The following UMAD1 variants were observed in gnomAD, a reference collection of about 807,000 sequenced individuals.
The protein encoded by UMAD1 is UBAP1-MVB12-associated (UMA)-domain containing protein 1.
A neutral mutation model predicts 6.1 loss-of-function variants in UMAD1; 8 were observed. The ratio of observed to expected loss-of-function variants is 1.30; its 90% CI spans 0.76 to 2.35. The LOEUF is 2.35. Among genes scored for constraint, UMAD1 ranks in the 30% most tolerant of loss-of-function variants. The probability of loss-of-function intolerance (pLI) is 0.00; values close to 1 mark genes in which losing one functional copy is unlikely to be tolerated. For synonymous variants in UMAD1, 56 were observed against 31.4 expected (o/e 1.78, Z -2.61); for missense variants, 130 against 78.4 (o/e 1.66, Z -2.49).
At chr7:7,682,335 C>G (rs1330825242) in intron 2 of UMAD1, among the ~76,000 whole-genome samples, 1 of 152,122 alleles carries the variant, frequency 6.6e-6, no homozygotes, top group East Asian at 1.9e-4. Flanking sequence ...AATGATCAGT[C>G]AGATATTGAA....
intron 3 of UMAD1, among the ~76,000 whole-genome samples, chr7:7,807,445 G>C (rs1782939950): frequency 6.6e-6 from 1 of 152,062 alleles, no homozygotes; most frequent in Non-Finnish European, 1.5e-5. Context: ...AATGAATGTA[G>C]CGTGGCCTAT....
intron 3 of UMAD1, among the ~76,000 whole-genome samples, chr7:7,821,537 A>C (rs1210536524): frequency 6.6e-6 from 1 of 152,208 alleles, no homozygotes; most frequent in East Asian, 1.9e-4. Flanking sequence ...TATGTACAGT[A>C]AATATCAGAT....
intron 3 of UMAD1, among the ~76,000 whole-genome samples, chr7:7,855,155 T>C (rs1340138823): frequency 6.6e-6 from 1 of 152,250 alleles, no homozygotes; most frequent in Admixed American, 6.5e-5. Flanking sequence ...ATTGAGTGTC[T>C]GCAGCTTTTC....
chr7:7,844,829 C>A (rs1480150807), intron 3 of UMAD1, among the ~76,000 whole-genome samples: 1 of 151,990 alleles, frequency 6.6e-6, no homozygotes, highest in Admixed American at 6.6e-5. Flanking sequence ...ATTAGGGACC[C>A]CTTAATTTAC....
chr7:7,645,553 T>C (rs1785074077), intron 1 of UMAD1, among the ~76,000 whole-genome samples: 1 of 152,268 alleles, frequency 6.6e-6, no homozygotes, highest in Non-Finnish European at 1.5e-5. Flanking sequence ...CAGCTTCCTT[T>C]AAGGAGTATT....
At chr7:7,649,361 C>A (rs1239902998) in intron 1 of UMAD1, among the ~76,000 whole-genome samples, 2 of 151,900 alleles carry the variant, frequency 1.3e-5, no homozygotes, top group Non-Finnish European at 2.9e-5. Context: ...GAAACTACTC[C>A]CCCAATAACT....
intron 3 of UMAD1, among the ~76,000 whole-genome samples, chr7:7,839,209 G>A (rs1438097480): frequency 1.3e-5 from 2 of 152,040 alleles, no homozygotes; most frequent in African/African-American, 2.4e-5. Flanking sequence ...GCAAGGGTGG[G>A]CACTTTTTTT....
intron 1 of UMAD1, among the ~76,000 whole-genome samples, chr7:7,648,125 G>T (rs1471373782): frequency 1.3e-5 from 2 of 152,212 alleles, no homozygotes; most frequent in African/African-American, 4.8e-5. Context: ...ATACCAGCCA[G>T]TGGGCTCCAG....
At chr7:7,785,509 T>G (rs530152486) in intron 2 of UMAD1, among the ~76,000 whole-genome samples, 6 of 152,262 alleles carry the variant, frequency 3.9e-5, no homozygotes, top group Admixed American at 2.0e-4. Flanking sequence ...ACCTTTATCC[T>G]AAGCACAATA....
intron 1 of UMAD1, among the ~76,000 whole-genome samples, chr7:7,645,507 T>C (rs866753555): frequency 1.6e-4 from 24 of 152,190 alleles, no homozygotes; most frequent in South Asian, 2.1e-4. Context: ...ATCAAGTAAA[T>C]CCACGTTCTA....
intron 2 of UMAD1, among the ~76,000 whole-genome samples, chr7:7,737,264 GT>G (rs1282182439): frequency 6.6e-6 from 1 of 152,214 alleles, no homozygotes; most frequent in Non-Finnish European, 1.5e-5. Flanking sequence ...CTGGGCTTCA[GT>G]TTTCTCAGCC....
intron 3 of UMAD1, among the ~76,000 whole-genome samples, chr7:7,854,979 C>A (rs550964684): frequency 1.3e-5 from 2 of 152,302 alleles, no homozygotes; most frequent in Admixed American, 6.5e-5. Context: ...AGTTTGAAAT[C>A]CAGTAAGGCA....
intron 2 of UMAD1, among the ~76,000 whole-genome samples, chr7:7,784,800 C>T (rs544353657): frequency 1.6e-5 from 2 of 123,596 alleles, no homozygotes; most frequent in Admixed American, 1.0e-4. Context: ...CTTGCTGTGT[C>T]GCCCAGGCTG....
chr7:7,640,838 G>C lies in UMAD1; in HGVS notation c.-64+17G>C, dbSNP rs1265763773. ...CAGCCTCAGGTACCTCGTCTCGCGG[G>C]AGGCGCCGCAACCTTACTGTTTCCC... On this transcript the variant is annotated intron_variant, in intron 1 of 3. Transcript: ENST00000682710. 3 of 198,798 alleles carry C rather than the reference G, an allele frequency of 1.5e-5. No homozygotes were observed. Among genetic ancestry groups the C allele is most frequent in the African/African-American group, 7.1e-5 (3 of 42,352 alleles). 12.3% of individuals were successfully genotyped at this position (198,798 alleles called of 1,614,324 possible).
intron 1 of UMAD1, among the ~76,000 whole-genome samples, chr7:7,645,202 AT>A (rs1183595806): frequency 3.9e-5 from 6 of 152,066 alleles, no homozygotes; most frequent in African/African-American, 9.7e-5. Flanking sequence ...ATTCTTACAT[AT>A]TTTATTTATC....
intron 3 of UMAD1, among the ~76,000 whole-genome samples, chr7:7,844,487 T>A (rs1415709381): frequency 6.6e-6 from 1 of 152,176 alleles, no homozygotes; most frequent in African/African-American, 2.4e-5. Flanking sequence ...AGGTGCATTT[T>A]ATAGCAGTGA....
intron 2 of UMAD1, among the ~76,000 whole-genome samples, chr7:7,717,155 C>T (rs1780936254): frequency 6.6e-6 from 1 of 150,904 alleles, no homozygotes; most frequent in African/African-American, 2.4e-5. Flanking sequence ...CTCCCGGGTT[C>T]AAGCGATTCT....
At chr7:7,669,859 C>G (rs560716458) in intron 1 of UMAD1, among the ~76,000 whole-genome samples, 14 of 152,244 alleles carry the variant, frequency 9.2e-5, no homozygotes, top group African/African-American at 2.9e-4. Context: ...CCTCCTTTGC[C>G]TTATTCCTGA....
chr7:7,768,447 T>G (rs552274919), intron 2 of UMAD1, among the ~76,000 whole-genome samples: 9 of 152,314 alleles, frequency 5.9e-5, no homozygotes, highest in Non-Finnish European at 1.0e-4. Context: ...ACTGTTCTCT[T>G]ACATGTCTAG....
Sources: allele counts gnomAD v4.1 joint callset (sites outside exome capture counted in the v4.1 genomes callset), GRCh38; gene constraint gnomAD v4.1.1; transcripts MANE v1.5; gene names NCBI Gene and HGNC (gene_info 2026-07-23, HGNC 2026-07-21).